The following ERBB4 variants were observed in gnomAD, a reference collection of about 807,000 sequenced individuals.
ERBB4 encodes the protein erb-b2 receptor tyrosine kinase 4.
Under a neutral mutation model 158.0 loss-of-function variants are expected in ERBB4, and 42 were observed. That is an observed-to-expected ratio of 0.27 (90% CI 0.21 to 0.34). The LOEUF (loss-of-function observed/expected upper bound fraction) is 0.34. ERBB4 is among the 10% of genes least tolerant of loss of function. ERBB4 has a pLI of 1.00. For missense variants in ERBB4, 1,333 were observed against 1,624.1 expected (o/e 0.82, Z 3.08); for synonymous variants, 583 against 558.7 (o/e 1.04, Z -0.61).
intron 2 of ERBB4, among the ~76,000 whole-genome samples, chr2:212,007,241 T>A (rs2076280085): frequency 6.6e-6 from 1 of 151,938 alleles, no homozygotes; most frequent in Admixed American, 6.6e-5. Context: ...TTCAGATACA[T>A]TCTTCTGTTT....
chr2:211,447,761 G>A (rs1256481260), intron 20 of ERBB4, among the ~76,000 whole-genome samples: 2 of 152,168 alleles, frequency 1.3e-5, no homozygotes, highest in African/African-American at 4.8e-5. Context: ...GTTTGCCAGT[G>A]TCAGGAGATT....
chr2:212,207,758 T>C (rs1380380083), intron 1 of ERBB4, among the ~76,000 whole-genome samples: 1 of 152,172 alleles, frequency 6.6e-6, no homozygotes, highest in African/African-American at 2.4e-5. Context: ...CTACATCTAA[T>C]GTCCTCCTCT....
chr2:211,559,558 C>G (rs1187520785), intron 20 of ERBB4, among the ~76,000 whole-genome samples: 2 of 152,168 alleles, frequency 1.3e-5, no homozygotes, highest in African/African-American at 4.8e-5. Flanking sequence ...CCTGTGTGAT[C>G]TTTCTTTTGC....
intron 1 of ERBB4, among the ~76,000 whole-genome samples, chr2:212,366,723 T>C (rs2089904148): frequency 6.6e-6 from 1 of 152,034 alleles, no homozygotes; most frequent in South Asian, 2.1e-4. Flanking sequence ...GAATAGCTTT[T>C]AAAAATGTCT....
At chr2:211,437,390 A>G (rs147051757) in intron 20 of ERBB4, among the ~76,000 whole-genome samples, 7 of 152,336 alleles carry the variant, frequency 4.6e-5, no homozygotes, top group African/African-American at 1.7e-4. Flanking sequence ...TCTGGTTAGA[A>G]TCAACTCATA....
chr2:211,403,277 T>C (rs538334769), intron 25 of ERBB4, among the ~76,000 whole-genome samples: 2 of 152,280 alleles, frequency 1.3e-5, no homozygotes, highest in South Asian at 4.1e-4. Context: ...GGAGAATGTC[T>C]ATTCCATGAT....
At chr2:211,535,156 A>G (rs553826573) in intron 20 of ERBB4, among the ~76,000 whole-genome samples, 121 of 152,210 alleles carry the variant, frequency 7.9e-4, no homozygotes, top group African/African-American at 2.8e-3. Flanking sequence ...TTGTAAAATT[A>G]TAGTATGTGG....
chr2:212,338,241 A>G (rs766695740), intron 1 of ERBB4, among the ~76,000 whole-genome samples: 2 of 151,842 alleles, frequency 1.3e-5, no homozygotes, highest in African/African-American at 4.8e-5. Context: ...CCTTCATTCT[A>G]TTTTCTAGCA....
chr2:212,377,630 T>G (rs554397013), intron 1 of ERBB4, among the ~76,000 whole-genome samples: 1 of 151,696 alleles, frequency 6.6e-6, no homozygotes, highest in East Asian at 1.9e-4. Context: ...GGACTAGGAG[T>G]TGCTCTAGGT....
At chr2:211,396,837 A>C (rs1180652527) in intron 25 of ERBB4, among the ~76,000 whole-genome samples, 3 of 152,192 alleles carry the variant, frequency 2.0e-5, no homozygotes, top group Admixed American at 1.3e-4. Context: ...TAAAAAGTGA[A>C]TTTGTAACAA....
At chr2:211,545,565 A>G (rs923275187) in intron 20 of ERBB4, among the ~76,000 whole-genome samples, 15 of 152,092 alleles carry the variant, frequency 9.9e-5, no homozygotes, top group African/African-American at 2.9e-4. Context: ...AAAATAACTG[A>G]TTTTAGGGCT....
chr2:211,634,296 T>A (rs1020724598), intron 16 of ERBB4, among the ~76,000 whole-genome samples: 6 of 152,220 alleles, frequency 3.9e-5, no homozygotes, highest in African/African-American at 1.2e-4. Flanking sequence ...CCCTGTCCAC[T>A]TTTACAATCT....
chr2:211,845,373 C>CA (rs2077564335), intron 3 of ERBB4, among the ~76,000 whole-genome samples: 2 of 151,998 alleles, frequency 1.3e-5, no homozygotes, highest in South Asian at 4.1e-4. Context: ...CCTAGGCAGG[C>CA]AAAATCTCAT....
At chr2:211,410,738 T>C (rs536674127) in intron 25 of ERBB4, among the ~76,000 whole-genome samples, 2 of 152,328 alleles carry the variant, frequency 1.3e-5, no homozygotes, top group South Asian at 4.1e-4. Flanking sequence ...TTGTAATTCC[T>C]AAAGACAGGG....
intron 5 of ERBB4, 148 bp from the exon 6 acceptor site, chr2:211,725,342 T>G (rs150619029): frequency 0.014 from 9,619 of 668,596 alleles, 121 homozygotes; most frequent in Middle Eastern, 0.046. Context: ...ATCAAAATTT[T>G]TATACAAAAA....
At chr2:212,369,219 T>C (rs2090000868) in intron 1 of ERBB4, among the ~76,000 whole-genome samples, 3 of 152,304 alleles carry the variant, frequency 2.0e-5, no homozygotes, top group South Asian at 2.1e-4. Flanking sequence ...TGCATGATTA[T>C]ATAAAAATAG....
intron 1 of ERBB4, among the ~76,000 whole-genome samples, chr2:212,289,480 A>G (rs2086125349): frequency 6.6e-6 from 1 of 152,208 alleles, no homozygotes; most frequent in Non-Finnish European, 1.5e-5. Flanking sequence ...ATTTCTTGCA[A>G]TATTTCAAGA....
intron 1 of ERBB4, among the ~76,000 whole-genome samples, chr2:212,370,310 T>G (rs566646301): frequency 1.4e-4 from 21 of 152,340 alleles, no homozygotes; most frequent in African/African-American, 5.0e-4. Flanking sequence ...CATGTGGAAC[T>G]GTGAGTCAAT....
At chr2:212,040,225 A>G (rs533623184) in intron 2 of ERBB4, among the ~76,000 whole-genome samples, 1 of 151,998 alleles carries the variant, frequency 6.6e-6, no homozygotes, top group Non-Finnish European at 1.5e-5. Flanking sequence ...TTAAAAATAT[A>G]TGTACTTTTT....
Sources: gnomAD v4.1 joint callset for allele counts (sites outside exome capture counted in the v4.1 genomes callset) on GRCh38, gnomAD v4.1.1 for gene constraint, MANE v1.5 for transcripts, NCBI Gene and HGNC (gene_info 2026-07-23, HGNC 2026-07-21) for gene names.